The following SLCO6A1 variants were observed in gnomAD, a reference collection of about 807,000 sequenced individuals.
SLCO6A1 encodes the protein cancer/testis antigen 48.
In SLCO6A1, 65 loss-of-function variants were observed where a neutral mutation model predicts 72.7. That is an observed-to-expected ratio of 0.89 (90% CI 0.73 to 1.10). The LOEUF is 1.10. Ranked by LOEUF, SLCO6A1 falls within the 50% of genes least tolerant of loss-of-function variation. The pLI, the probability that SLCO6A1 is intolerant of heterozygous loss-of-function variation, is 0.00. For missense variants in SLCO6A1, 874 were observed against 872.6 expected, an observed-to-expected ratio of 1.00 and a Z score of -0.02; for synonymous variants, 314 against 298.2, an observed-to-expected ratio of 1.05 and a Z score of -0.55.
chr5:102,465,908 C>A (rs1343782945), intron 4 of SLCO6A1, among the ~76,000 whole-genome samples: 1 of 152,028 alleles, frequency 6.6e-6, no homozygotes, highest in African/African-American at 2.4e-5. Flanking sequence ...AAGTAAATCC[C>A]CTGGATTTCA....
intron 4 of SLCO6A1, among the ~76,000 whole-genome samples, chr5:102,475,489 G>A (rs1229744681): frequency 6.6e-6 from 1 of 152,048 alleles, no homozygotes; most frequent in African/African-American, 2.4e-5. Flanking sequence ...ATAGTTAACA[G>A]TGCTGTACTA....
At chr5:102,387,612 A>G (rs530483134) in intron 12 of SLCO6A1, among the ~76,000 whole-genome samples, 1 of 152,136 alleles carries the variant, frequency 6.6e-6, no homozygotes, top group South Asian at 2.1e-4. Flanking sequence ...CTTGCTGAAT[A>G]CTTGACTTCG....
intron 1 of SLCO6A1, among the ~76,000 whole-genome samples, chr5:102,483,033 A>G (rs1479083369): frequency 2.0e-5 from 3 of 152,178 alleles, no homozygotes; most frequent in Admixed American, 6.5e-5. Flanking sequence ...CACCTCTTAT[A>G]TAACCTCCAT....
At chr5:102,487,349 G>A (rs1233858043) in intron 1 of SLCO6A1, among the ~76,000 whole-genome samples, 1 of 152,130 alleles carries the variant, frequency 6.6e-6, no homozygotes, top group East Asian at 1.9e-4. Flanking sequence ...AATAGCACAT[G>A]CCATTTTTGA....
At chr5:102,411,984 G>T (rs1748010788) in intron 9 of SLCO6A1, among the ~76,000 whole-genome samples, 1 of 152,076 alleles carries the variant, frequency 6.6e-6, no homozygotes, top group African/African-American at 2.4e-5. Flanking sequence ...GTCTCTTAGG[G>T]TAGCCACTAT....
intron 6 of SLCO6A1, among the ~76,000 whole-genome samples, chr5:102,457,417 C>A (rs1750785982): frequency 6.6e-6 from 1 of 151,106 alleles, no homozygotes; most frequent in Non-Finnish European, 1.5e-5. Context: ...AAAAAAAAAA[C>A]AACCCCATCA....
intron 6 of SLCO6A1, among the ~76,000 whole-genome samples, chr5:102,443,822 A>G (rs1365394106): frequency 6.6e-6 from 1 of 152,244 alleles, no homozygotes; most frequent in East Asian, 1.9e-4. Context: ...AGATATACAA[A>G]TAAATATACA....
chr5:102,421,221 G>C (rs1245953555), intron 7 of SLCO6A1, among the ~76,000 whole-genome samples: 1 of 151,526 alleles, frequency 6.6e-6, no homozygotes, highest in Non-Finnish European at 1.5e-5. Flanking sequence ...CTAGCTGCAG[G>C]AGTTTTTTTT....
rs866932152 is a variant in SLCO6A1 at position 102,449,196 on chromosome 5, T to C, written c.1131+9186A>G. Reference sequence around the variant, plus strand: ...AAAATTCCAGAATATAGACCCCCAATCTCTTCTGGTTGTAGAGTTTCTGCT... The same window carrying C: ...AAAATTCCAGAATATAGACCCCCAACCTCTTCTGGTTGTAGAGTTTCTGCT... On this transcript the variant is annotated intron_variant, in intron 6 of 13. Transcript: ENST00000506729. 2.2e-4 allele frequency among the ~76,000 whole-genome samples: 33 copies of C among 152,304 alleles called. No homozygotes were observed. The Middle Eastern group carries it at 0.014, about 63-fold the overall frequency.
chr5:102,447,556 A>G (rs1370286390), intron 6 of SLCO6A1, among the ~76,000 whole-genome samples: 1 of 152,124 alleles, frequency 6.6e-6, no homozygotes, highest in Admixed American at 6.6e-5. Context: ...TTGGAACTCA[A>G]TACTTGTCTG....
At chr5:102,406,040 T>C (rs1270500279) in intron 9 of SLCO6A1, among the ~76,000 whole-genome samples, 1 of 151,932 alleles carries the variant, frequency 6.6e-6, no homozygotes, top group Non-Finnish European at 1.5e-5. Context: ...TTCAAAGAGA[T>C]AAAACAAAAT....
chr5:102,372,146 G>A (rs1750658241), intron 13 of SLCO6A1, 23 bp from the exon 14 acceptor site: 1 of 152,040 alleles, frequency 6.6e-6, no homozygotes, highest in Non-Finnish European at 1.5e-5. Flanking sequence ...ACAGAGAAGA[G>A]TCAAGCAATC....
In SLCO6A1 at chr5:102,383,455, C is replaced by T. The variant is rs116753674; in HGVS notation, c.2017+5233G>A. On this transcript the variant is annotated intron_variant, in intron 12 of 13. Transcript: ENST00000506729. The stretch of plus-strand genomic sequence containing the variant: ...CTTTTCCTTCACCTATTGAAATTAT[C>T]GTATTATTTTTATCCTTTATTTTAT... Among the ~76,000 whole-genome samples the T allele has an allele frequency of 2.0e-3, 304 of 151,640 alleles. 3 individuals are homozygous for T. Among genetic ancestry groups the T allele is most frequent in the African/African-American group, 7.0e-3 (291 of 41,488 alleles).
intron 1 of SLCO6A1, among the ~76,000 whole-genome samples, chr5:102,483,828 T>C (rs1379427890): frequency 6.6e-6 from 1 of 152,198 alleles, no homozygotes; most frequent in Non-Finnish European, 1.5e-5. Flanking sequence ...CAGATGCCTT[T>C]ATCCTAATTC....
chr5:102,416,172 A>C (rs1002617132), intron 8 of SLCO6A1, among the ~76,000 whole-genome samples: 8 of 152,150 alleles, frequency 5.3e-5, no homozygotes, highest in African/African-American at 1.7e-4. Flanking sequence ...TAAAAAATAT[A>C]ACTACCATTC....
At chr5:102,489,702 T>C (rs1752590812) in intron 1 of SLCO6A1, among the ~76,000 whole-genome samples, 1 of 152,036 alleles carries the variant, frequency 6.6e-6, no homozygotes, top group African/African-American at 2.4e-5. Flanking sequence ...TCCTCAAAAC[T>C]AAAAATAGAA....
At position 102,413,078 on chromosome 5, in the gene SLCO6A1, T is replaced by A; in HGVS notation, c.1538A>T (p.Tyr513Phe). ...ATCATCTCTTCCACATATAGAAGAA[T>A]AAATTGAAGATGAGCATCTACATTT... ...NEKCRCSSSI[Y>F]SSICGRDDIE... The change falls in exon 9 of 14, where the codon TAT becomes TTT. Residue 513 changes from tyrosine to phenylalanine, a missense_variant. Physicochemically the swap from Tyr to Phe is conservative, Grantham distance 22. Transcript: ENST00000506729. 1.3e-6 allele frequency: 2 copies of A among 1,580,100 alleles called. No individual in the cohort carries two copies. The highest frequency in any genetic ancestry group is 4.7e-5 in the East Asian group (2 of 42,916).
intron 10 of SLCO6A1, among the ~76,000 whole-genome samples, chr5:102,398,436 C>T (rs1301565213): frequency 1.3e-5 from 2 of 152,104 alleles, no homozygotes; most frequent in Admixed American, 1.3e-4. Context: ...CAACGGCCTC[C>T]CAAAGTGCTG....
chr5:102,404,190 C>T (rs1747547211), intron 9 of SLCO6A1, among the ~76,000 whole-genome samples: 1 of 152,126 alleles, frequency 6.6e-6, no homozygotes, highest in South Asian at 2.1e-4. Context: ...TATGTATTCT[C>T]AAATTGCTTA....
Sources: allele counts gnomAD v4.1 joint callset (sites outside exome capture counted in the v4.1 genomes callset), GRCh38; gene constraint gnomAD v4.1.1; transcripts MANE v1.5; gene names NCBI Gene and HGNC (gene_info 2026-07-23, HGNC 2026-07-21).